The following PPP1R1C variants were observed in gnomAD, a reference collection of about 807,000 sequenced individuals.
PPP1R1C encodes protein phosphatase 1 regulatory inhibitor subunit 1C, also known as protein phosphatase 1 regulatory subunit 1C.
PPP1R1C carries 15 observed loss-of-function variants against 17.4 expected under a neutral mutation model. The ratio of observed to expected loss-of-function variants is 0.86; its 90% CI spans 0.58 to 1.33. The LOEUF is 1.33. Among genes scored for constraint, PPP1R1C ranks in the 40% most tolerant of loss-of-function variants. The pLI is 0.00. For missense variants in PPP1R1C, 143 were observed against 130.0 expected, an observed-to-expected ratio of 1.10 and a Z score of -0.48; for synonymous variants, 35 against 43.1, an observed-to-expected ratio of 0.81 and a Z score of 0.73.
rs573854264 is a variant in PPP1R1C, at chr2:182,091,405, A to G, written c.242-25802A>G. 3.9e-5 allele frequency among the ~76,000 whole-genome samples: 6 copies of G among 152,252 alleles called. No homozygotes were observed. In the East Asian group the frequency reaches 5.8e-4, roughly 15 times the overall value. On this transcript the variant is annotated intron_variant, in intron 4 of 4. Transcript: ENST00000682840. ...GAGATTGGGGTGTAAATCACACTGG[A>G]TAGGTGGATGAGTGAACAGGCGGTG...
At chr2:181,983,089 T>C (rs1278677708), upstream of PPP1R1C, among the ~76,000 whole-genome samples, 1 of 152,208 alleles carries the variant, frequency 6.6e-6, no homozygotes, top group African/African-American at 2.4e-5. Flanking sequence ...CTTTCATTCA[T>C]ATACCACGTC....
Position 181,996,350 on chromosome 2 carries a change from C to T in PPP1R1C, c.142+8451C>T, listed in dbSNP as rs1348957194. On this transcript the variant is annotated intron_variant, in intron 2 of 4. Coordinates refer to ENST00000682840, the MANE Select transcript of PPP1R1C (RefSeq NM_001080545.3). ...GACAATCAGGGGGCTCAGAATTCAC[C>T]TTCTCCCTCCCAGTCTGTGTGCGGT... Among the ~76,000 whole-genome samples the T allele has an allele frequency of 2.6e-5, 4 of 152,130 alleles. No homozygotes were observed. The East Asian group carries it at 7.7e-4, about 29-fold the overall frequency.
intron 4 of PPP1R1C, among the ~76,000 whole-genome samples, chr2:182,079,382 T>C (rs923898434): frequency 6.6e-6 from 1 of 152,198 alleles, no homozygotes; most frequent in African/African-American, 2.4e-5. Flanking sequence ...TGCCTTCAGG[T>C]AATGCTGCGC....
chr2:182,033,764 A>C (rs556323779), intron 2 of PPP1R1C, among the ~76,000 whole-genome samples: 2 of 152,326 alleles, frequency 1.3e-5, no homozygotes, highest in African/African-American at 4.8e-5. Context: ...TTTTCTAAGA[A>C]GTGCAGAAAA....
chr2:182,008,149 T>A (rs1181713049), intron 2 of PPP1R1C, among the ~76,000 whole-genome samples: 3 of 152,090 alleles, frequency 2.0e-5, no homozygotes, highest in African/African-American at 7.2e-5. Context: ...CAGATTACAT[T>A]TAGTGTGAGG....
At chr2:182,060,309 T>C (rs963347197) in intron 2 of PPP1R1C, among the ~76,000 whole-genome samples, 3 of 152,134 alleles carry the variant, frequency 2.0e-5, no homozygotes, top group African/African-American at 7.2e-5. Context: ...AAATATCAAC[T>C]TCAGGCATGG....
rs1023708654 is a variant in PPP1R1C at position 181,957,554 on chromosome 2, A to G, written n.111+2920A>G. Among the ~76,000 whole-genome samples the G allele has an allele frequency of 6.6e-5, 10 of 152,344 alleles. No individual in the cohort carries two copies. Among genetic ancestry groups the G allele is most frequent in the South Asian group, 2.1e-4 (1 of 4,830 alleles). On this transcript the variant is annotated intron_variant and non_coding_transcript_variant, in intron 1 of 5. Coordinates refer to the PPP1R1C transcript ENST00000464264. This position sits in a 1 kb window ranked among gnomAD's most constrained non-coding sequence, Gnocchi z 4.2. ...TCCATTGTTTATACGTAAAATTACT[A>G]AATATTAGTTATTGGGTAGTCCTAG... is the stretch of plus-strand genomic sequence containing the variant.
rs1203737393 is a variant in PPP1R1C at position 181,957,172 on chromosome 2, C to T, written n.111+2538C>T. 2.6e-5 allele frequency among the ~76,000 whole-genome samples: 4 copies of T among 152,054 alleles called. No individual in the cohort carries two copies. The highest frequency in any genetic ancestry group is 5.9e-5 in the Non-Finnish European group (4 of 68,034). On this transcript the variant is annotated intron_variant and non_coding_transcript_variant, in intron 1 of 5. Transcript: ENST00000464264. This position sits in a 1 kb window ranked among gnomAD's most constrained non-coding sequence, Gnocchi z 4.2. ...GTCAGGAGTTCGAGAACAGCCTGGC[C>T]AAAATGATGAAGCTCTGTCTCTACC...
chr2:182,014,402 C>T (rs1285844697), intron 2 of PPP1R1C, among the ~76,000 whole-genome samples: 2 of 152,030 alleles, frequency 1.3e-5, no homozygotes, highest in African/African-American at 4.8e-5. Flanking sequence ...CAAACAGAAT[C>T]TCTCTCTCTC....
At position 182,063,774 on chromosome 2, in the gene PPP1R1C, C is replaced by T; in HGVS notation, c.224C>T (p.Thr75Ile). The T allele has an allele frequency of 3.7e-6, 6 of 1,612,658 alleles. No individual in the cohort carries two copies. The South Asian group carries it at 5.5e-5, about 15-fold the overall frequency. Residue 75 changes from threonine (T) to isoleucine (I), a missense_variant, in exon 4 of 5, where the codon ACA (threonine) becomes ATA (isoleucine). Thr to Ile is a moderately conservative substitution (Grantham distance 89). Coordinates refer to ENST00000682840, the MANE Select transcript of PPP1R1C (RefSeq NM_001080545.3). ...AAGCAAAGGAAGCAGAGTGTGTACA[C>T]ACCACCCACCATAAAAGGTACTGTT... ...SPKQRKQSVY[T>I]PPTIKGVKHL...
chr2:182,042,156 GA>G (rs1687204755), intron 2 of PPP1R1C, among the ~76,000 whole-genome samples: 1 of 152,140 alleles, frequency 6.6e-6, no homozygotes, highest in Non-Finnish European at 1.5e-5. Context: ...GAATAGAATA[GA>G]AAGTATGACT....
At chr2:182,123,261 A>G (rs1689779615) in intron 5 of PPP1R1C, among the ~76,000 whole-genome samples, 1 of 152,354 alleles carries the variant, frequency 6.6e-6, no homozygotes, top group South Asian at 2.1e-4. Context: ...ATTGATGGAC[A>G]TTTGGGTTGG....
intron 2 of PPP1R1C, among the ~76,000 whole-genome samples, chr2:181,980,137 T>C (rs1299639936): frequency 6.6e-6 from 1 of 152,204 alleles, no homozygotes; most frequent in Non-Finnish European, 1.5e-5. Flanking sequence ...GTGTCTGTCA[T>C]AGAATGAGAT....
intron 4 of PPP1R1C, among the ~76,000 whole-genome samples, chr2:182,089,559 T>C (rs1450398583): frequency 6.6e-6 from 1 of 152,212 alleles, no homozygotes; most frequent in African/African-American, 2.4e-5. Context: ...GGATTGTGTA[T>C]TTTGTCTCAT....
At chr2:182,097,406 A>T (rs1688972298) in intron 4 of PPP1R1C, among the ~76,000 whole-genome samples, 1 of 152,178 alleles carries the variant, frequency 6.6e-6, no homozygotes, top group African/African-American at 2.4e-5. Flanking sequence ...AAACATAAGT[A>T]TTGGGAATCG....
intron 5 of PPP1R1C, among the ~76,000 whole-genome samples, chr2:182,124,301 TTTGTTTTTTTTTG>T (rs1689811268): frequency 7.8e-6 from 1 of 127,940 alleles, no homozygotes; most frequent in African/African-American, 3.4e-5. Flanking sequence ...TGCCTCCAGC[TTTGTTTTTTTTTG>T]TTTTTTTTTT....
intron 4 of PPP1R1C, 92 bp downstream of exon 4, chr2:182,063,883 C>T (rs1687914723): frequency 2.2e-6 from 2 of 917,980 alleles, no homozygotes; most frequent in Non-Finnish European, 3.7e-6. Context: ...TGATGATAAG[C>T]TAGATCTAGT....
intron 2 of PPP1R1C, among the ~76,000 whole-genome samples, chr2:182,053,429 G>A (rs914632077): frequency 6.6e-6 from 1 of 152,160 alleles, no homozygotes; most frequent in African/African-American, 2.4e-5. Context: ...GAAAATGGCT[G>A]TATTTTGTCA....
At chr2:181,979,555 G>C (rs745815653) in intron 2 of PPP1R1C, among the ~76,000 whole-genome samples, 15 of 152,188 alleles carry the variant, frequency 9.9e-5, no homozygotes, top group Non-Finnish European at 1.6e-4. Context: ...TCCTGTCACT[G>C]CCTTCAGAGT....
Sources: gnomAD v4.1 joint callset for allele counts (sites outside exome capture counted in the v4.1 genomes callset) on GRCh38, gnomAD v4.1.1 for gene constraint, Gnocchi (gnomAD v3.1) non-coding constraint, MANE v1.5 for transcripts, NCBI Gene and HGNC (gene_info 2026-07-23, HGNC 2026-07-21) for gene names.